PP2D1: variants seen among roughly 807,000 people sequenced by gnomAD.
The protein encoded by PP2D1 is protein phosphatase 2C like domain containing 1.
In PP2D1, 25 loss-of-function variants were observed where a neutral mutation model predicts 30.2. That is an observed-to-expected ratio of 0.83 (90% CI 0.60 to 1.16). The LOEUF (loss-of-function observed/expected upper bound fraction) is 1.16, where lower values mean the gene tolerates loss of function less well. PP2D1 is among the 50% of genes most tolerant of loss of function. The pLI is 0.00. For synonymous variants in PP2D1, 260 were observed against 258.9 expected, an observed-to-expected ratio of 1.00 and a Z score of -0.04; for missense variants, 760 against 742.4, an observed-to-expected ratio of 1.02 and a Z score of -0.28.
chr3:19,992,732 C>A (rs1053519813), intron 2 of PP2D1, among the ~76,000 whole-genome samples: 2 of 152,120 alleles, frequency 1.3e-5, no homozygotes, highest in Non-Finnish European at 2.9e-5. Context: ...GGTTATATAA[C>A]CTTGTATAAT....
intron 2 of PP2D1, among the ~76,000 whole-genome samples, chr3:19,990,351 G>T (rs1247433692): frequency 6.6e-6 from 1 of 152,108 alleles, no homozygotes; most frequent in Admixed American, 6.6e-5. Flanking sequence ...TCGCTATGTT[G>T]CCCGGGCTGG....
intron 2 of PP2D1, among the ~76,000 whole-genome samples, chr3:19,991,081 G>C (rs1005388638): frequency 3.9e-5 from 6 of 152,132 alleles, no homozygotes; most frequent in Non-Finnish European, 8.8e-5. Context: ...GAGAGATTGC[G>C]CTCTTCAGAA....
At chr3:19,982,839 GATATGATCTA>G (rs1293555807), downstream of PP2D1, among the ~76,000 whole-genome samples, 2 of 152,060 alleles carry the variant, frequency 1.3e-5, no homozygotes, top group Non-Finnish European at 2.9e-5. Context: ...GGAAATAGTA[GATATGATCTA>G]TCACAATTCG....
chr3:20,011,001 G>A (rs1193351246), intron 1 of PP2D1, among the ~76,000 whole-genome samples: 1 of 152,092 alleles, frequency 6.6e-6, no homozygotes, highest in African/African-American at 2.4e-5. Context: ...GTGGAGCCAA[G>A]GACAAAGTCC....
intron 2 of PP2D1, among the ~76,000 whole-genome samples, chr3:19,993,055 G>C (rs936330604): frequency 2.0e-5 from 3 of 152,106 alleles, no homozygotes; most frequent in African/African-American, 7.2e-5. Context: ...AAAAGAAAAA[G>C]AGTAATAGAG....
chr3:20,001,378 T>C lies in PP2D1; in HGVS notation c.742A>G (p.Ile248Val), dbSNP rs1157477064. 1 of 1,536,448 alleles carries C rather than the reference T, an allele frequency of 6.5e-7. No homozygotes were observed. The highest frequency in any genetic ancestry group is 2.4e-5 in the East Asian group (1 of 40,926). Residue 248 changes from isoleucine to valine, a missense_variant, in exon 2 of 3, where the codon ATC becomes GTC. By Grantham distance (29) the Ile-to-Val change is conservative. Coordinates refer to ENST00000389050, the MANE Select transcript of PP2D1 (RefSeq NM_001252657.2). The stretch of plus-strand genomic sequence containing the variant: ...CTAAACACAGTGTAAAAGGAATTGA[T>C]TATTTGTTGCTCATCAGTTGTCATT... The part of the protein sequence containing the change: ...YQMTTDEQQI[I>V]NSFYTVFREE...
At position 20,012,161 on chromosome 3, in the gene PP2D1, G is replaced by A. The variant is rs868690732; in HGVS notation, c.-89C>T. The A allele has an allele frequency of 9.2e-7, 1 of 1,081,226 alleles. No homozygotes were observed. The allele number at this position is 1,081,226 out of a possible 1,614,324, so 67.0% of individuals were successfully genotyped here. ...AACTTGAGTAGTGATGGTGATGGTG[G>A]AGGTAGAGGTGAATGTGATGGCTGT... is the stretch of plus-strand genomic sequence containing the variant. On this transcript the variant is annotated 5_prime_UTR_variant, in exon 1 of 3. Transcript: ENST00000389050.
downstream of PP2D1, among the ~76,000 whole-genome samples, chr3:19,981,166 C>A (rs1397842886): frequency 6.6e-6 from 1 of 152,096 alleles, no homozygotes; most frequent in Non-Finnish European, 1.5e-5. Flanking sequence ...CATCAAGGAT[C>A]TTATGTATTA....
intron 1 of PP2D1, among the ~76,000 whole-genome samples, chr3:20,008,532 A>C (rs1359705638): frequency 3.3e-5 from 5 of 152,042 alleles, no homozygotes; most frequent in Admixed American, 3.3e-4. Context: ...ACGCCATTGC[A>C]CTCCAGCCCG....
At chr3:19,983,328 A>G (rs1575080258), downstream of PP2D1, among the ~76,000 whole-genome samples, 1 of 143,516 alleles carries the variant, frequency 7.0e-6, no homozygotes, top group Non-Finnish European at 1.5e-5. Flanking sequence ...CCTGGGTGAC[A>G]GAGTGAGACT....
At chr3:20,003,692 A>G (rs1232821401) in intron 1 of PP2D1, among the ~76,000 whole-genome samples, 9 of 152,044 alleles carry the variant, frequency 5.9e-5, no homozygotes, top group Non-Finnish European at 1.0e-4. Flanking sequence ...CGGAGGCTGC[A>G]GTGAGCAGAG....
At chr3:19,988,348 A>G (rs542707798) in intron 2 of PP2D1, among the ~76,000 whole-genome samples, 62 of 152,222 alleles carry the variant, frequency 4.1e-4, no homozygotes, top group African/African-American at 1.5e-3. Flanking sequence ...TGTCTCTTGT[A>G]CGGTTGCACA....
At chr3:19,984,693 T>C (rs1696999247), downstream of PP2D1, 1 of 155,044 alleles carries the variant, frequency 6.4e-6, no homozygotes. Flanking sequence ...TTATTTTAAA[T>C]TCGATCTTCA....
chr3:19,997,517 A>C (rs1697197272), intron 2 of PP2D1, among the ~76,000 whole-genome samples: 1 of 152,320 alleles, frequency 6.6e-6, no homozygotes, highest in African/African-American at 2.4e-5. Flanking sequence ...AGCAGATCCC[A>C]CTACTGAGTA....
At chr3:20,009,298 C>CA (rs1359005471) in intron 1 of PP2D1, among the ~76,000 whole-genome samples, 1 of 151,860 alleles carries the variant, frequency 6.6e-6, no homozygotes, top group Non-Finnish European at 1.5e-5. Flanking sequence ...CCCTTCTCTA[C>CA]AAAAAACTTA....
At chr3:19,981,058 C>T (rs1696916532), downstream of PP2D1, among the ~76,000 whole-genome samples, 1 of 152,066 alleles carries the variant, frequency 6.6e-6, no homozygotes. Flanking sequence ...GTGGTCTGTC[C>T]CCAAGATTGA....
chr3:19,990,740 A>C (rs2125139080), intron 2 of PP2D1, among the ~76,000 whole-genome samples: 1 of 148,906 alleles, frequency 6.7e-6, no homozygotes, highest in East Asian at 2.0e-4. Context: ...TGAAGATGGG[A>C]AATTAGAGGA....
chr3:20,011,193 A>C (rs908257563), intron 1 of PP2D1, among the ~76,000 whole-genome samples: 21 of 152,190 alleles, frequency 1.4e-4, no homozygotes, highest in Non-Finnish European at 2.6e-4. Context: ...AAAGAAATGG[A>C]CAGGTAAGCA....
rs1418633501 is a variant in PP2D1 at position 19,985,612 on chromosome 3, G to T, written c.1661C>A (p.Pro554Gln). The part of the protein sequence containing the change: ...IYNPENVETF[P>Q]AETTHRKPCS... ...AGGTTTACGATGAGTCGTTTCTGCTGGAAATGTTTCTACATTCTCAGGGTT... is the reference window on the plus strand; with the variant it reads ...AGGTTTACGATGAGTCGTTTCTGCTTGAAATGTTTCTACATTCTCAGGGTT... Residue 554 changes from proline (P) to glutamine (Q), a missense_variant, in exon 3 of 3, where the codon CCA becomes CAA. Transcript: ENST00000389050. The T allele has an allele frequency of 2.0e-6, 3 of 1,535,544 alleles. No individual in the cohort carries two copies. Among genetic ancestry groups the T allele is most frequent in the Non-Finnish European group, 2.6e-6 (3 of 1,146,550 alleles).
Sources: gnomAD v4.1 joint callset for allele counts (sites outside exome capture counted in the v4.1 genomes callset) on GRCh38, gnomAD v4.1.1 for gene constraint, MANE v1.5 for transcripts, NCBI Gene and HGNC (gene_info 2026-07-23, HGNC 2026-07-21) for gene names.